The following PRIM2 variants were observed in gnomAD, a reference collection of about 807,000 sequenced individuals.
PRIM2 encodes DNA primase large subunit.
Under a neutral mutation model 67.3 loss-of-function variants are expected in PRIM2, and 39 were observed. The ratio of observed to expected loss-of-function variants is 0.58; its 90% confidence interval spans 0.45 to 0.76. PRIM2 has a LOEUF of 0.76. PRIM2 is among the 30% of genes least tolerant of loss of function. PRIM2 has a pLI of 0.00. For missense variants in PRIM2, 398 were observed against 598.7 expected (o/e 0.66, Z 3.50); for synonymous variants, 143 against 198.7 (o/e 0.72, Z 2.36).
chr6:57,275,046 G>A, the PRIM2 span, among the ~76,000 whole-genome samples: 2 of 151,740 alleles, frequency 1.3e-5, no homozygotes, highest in Non-Finnish European at 2.9e-5. Context: ...TGGATTATAG[G>A]CGTGAGCCAC....
At chr6:57,401,525 TG>T in intron 7 of PRIM2, among the ~76,000 whole-genome samples, 1 of 152,300 alleles carries the variant, frequency 6.6e-6, no homozygotes, top group South Asian at 2.1e-4. Flanking sequence ...TCTTAATGTG[TG>T]GGGTCCTCTC....
intron 10 of PRIM2, among the ~76,000 whole-genome samples, chr6:57,548,571 C>T (rs1238493587): frequency 1.3e-5 from 2 of 152,110 alleles, no homozygotes; most frequent in Non-Finnish European, 2.9e-5. Context: ...ACCTCTGTTT[C>T]CTATGTGATG....
chr6:57,472,963 T>C (rs1234512006), intron 7 of PRIM2, among the ~76,000 whole-genome samples: 2 of 152,196 alleles, frequency 1.3e-5, no homozygotes, highest in African/African-American at 4.8e-5. Context: ...TTTCGTTGAA[T>C]TAGTGTGTGT....
intron 7 of PRIM2, among the ~76,000 whole-genome samples, chr6:57,396,217 T>C (rs961348145): frequency 1.9e-4 from 29 of 152,206 alleles, no homozygotes; most frequent in African/African-American, 6.8e-4. Flanking sequence ...TTGTTGACTT[T>C]CTGTCTTGAT....
chr6:57,376,588 A>C (rs62418041), intron 5 of PRIM2, among the ~76,000 whole-genome samples: 2 of 152,236 alleles, frequency 1.3e-5, no homozygotes, highest in African/African-American at 4.8e-5. Flanking sequence ...AGAGGCATAC[A>C]CAAAAGCTAT....
intron 5 of PRIM2, among the ~76,000 whole-genome samples, chr6:57,328,644 G>A (rs1477801940): frequency 1.3e-5 from 2 of 152,182 alleles, no homozygotes; most frequent in African/African-American, 4.8e-5. Context: ...CCAGGTTTTT[G>A]TGTGAATATG....
chr6:57,222,416 C>G, the PRIM2 span: 1 of 152,414 alleles, frequency 6.6e-6, no homozygotes, highest in Non-Finnish European at 1.5e-5. Flanking sequence ...TCCAAGGGAG[C>G]CCGGGAGGGC....
chr6:57,502,467 G>A (rs1554346959), intron 7 of PRIM2, among the ~76,000 whole-genome samples: 1 of 152,148 alleles, frequency 6.6e-6, no homozygotes, highest in Non-Finnish European at 1.5e-5. Context: ...ATCCGATGCC[G>A]GAAAGCTCCA....
intron 7 of PRIM2, among the ~76,000 whole-genome samples, chr6:57,436,959 C>T (rs990385757): frequency 1.3e-5 from 2 of 152,052 alleles, no homozygotes; most frequent in African/African-American, 4.8e-5. Flanking sequence ...TCTTGCATTG[C>T]TATAAGGAAA....
intron 7 of PRIM2, among the ~76,000 whole-genome samples, chr6:57,419,564 G>A (rs1771394677): frequency 6.6e-6 from 1 of 152,078 alleles, no homozygotes; most frequent in Admixed American, 6.5e-5. Flanking sequence ...ATGCAGGCAG[G>A]GAATTTGGGC....
rs184372480 is a variant in PRIM2, at chr6:57,434,877, G to T, written c.693+52709G>T. The T allele has an allele frequency of 3.3e-5, 5 of 152,324 alleles. No homozygotes were observed. In the East Asian group the frequency reaches 9.7e-4, roughly 30 times the overall value. 9.4% of individuals were successfully genotyped at this position (152,324 alleles called of 1,614,324 possible). On this transcript the variant is annotated intron_variant, in intron 7 of 13. Transcript: ENST00000615550. ...TACAACCTCTGCCTCCTGGGCTCAA[G>T]TGATCCTCCCACCCCAGCCTCCGAG...
At chr6:57,411,711 C>CT (rs1209544813) in intron 7 of PRIM2, among the ~76,000 whole-genome samples, 40 of 152,220 alleles carry the variant, frequency 2.6e-4, no homozygotes, top group Admixed American at 2.6e-3. Context: ...GGTATATTAC[C>CT]TTTTTTTATA....
At chr6:57,574,262 C>T (rs1775920834) in intron 10 of PRIM2, among the ~76,000 whole-genome samples, 1 of 152,194 alleles carries the variant, frequency 6.6e-6, no homozygotes, top group Non-Finnish European at 1.5e-5. Flanking sequence ...AGGGTGTAAC[C>T]AATGGGAGAC....
At position 57,646,251 on chromosome 6, in the gene PRIM2, G is replaced by A; in HGVS notation, c.*93G>A. The A allele has an allele frequency of 1.6e-6, 1 of 636,146 alleles. No individual in the cohort carries two copies. 39.4% of individuals were successfully genotyped at this position (636,146 alleles called of 1,614,324 possible). A position where few individuals can be genotyped will look rare whatever the true frequency, so the allele number is the denominator to read the frequency against. On this transcript the variant is annotated 3_prime_UTR_variant, in exon 14 of 14. Transcript: ENST00000615550. ...AAAAGGGTTTCACTCTGTCACCAAG[G>A]CTTAGTGCAGTGACACAATTACAGC...
chr6:57,422,384 G>T (rs1771494988), intron 7 of PRIM2, among the ~76,000 whole-genome samples: 1 of 151,654 alleles, frequency 6.6e-6, no homozygotes, highest in Admixed American at 6.6e-5. Flanking sequence ...TGATCCTCCC[G>T]CCTTGGCCTC....
At chr6:57,282,568 C>A in the PRIM2 span, among the ~76,000 whole-genome samples, 5 of 152,126 alleles carry the variant, frequency 3.3e-5, no homozygotes, top group Admixed American at 2.6e-4. Flanking sequence ...ACTCCCAGTA[C>A]CTCAGAATGT....
upstream of PRIM2, among the ~76,000 whole-genome samples, chr6:57,312,788 A>C (rs1241733474): frequency 6.6e-6 from 1 of 152,146 alleles, no homozygotes; most frequent in Non-Finnish European, 1.5e-5. Context: ...GACCATAAAG[A>C]CCGTCTATAT....
intron 5 of PRIM2, among the ~76,000 whole-genome samples, chr6:57,353,930 C>T (rs1768940407): frequency 6.6e-6 from 1 of 151,308 alleles, no homozygotes; most frequent in Admixed American, 6.6e-5. Flanking sequence ...AGAAGAAATA[C>T]TTTTTTCAAA....
chr6:57,269,425 A>G, the PRIM2 span, among the ~76,000 whole-genome samples: 1 of 152,074 alleles, frequency 6.6e-6, no homozygotes, highest in Admixed American at 6.6e-5. Context: ...GGCTGCATAA[A>G]TGTCTTCTTT....
Sources: gnomAD v4.1 joint callset for allele counts (sites outside exome capture counted in the v4.1 genomes callset) on GRCh38, gnomAD v4.1.1 for gene constraint, MANE v1.5 for transcripts, NCBI Gene and HGNC (gene_info 2026-07-23, HGNC 2026-07-21) for gene names.